Variants in SEMA4C observed in about 807,000 individuals in gnomAD.
SEMA4C encodes the protein semaphorin 4C, also known as semaphorin-4C.
In SEMA4C, 19 loss-of-function variants were observed where a neutral mutation model predicts 89.0. The ratio of observed to expected loss-of-function variants is 0.21; its 90% confidence interval spans 0.15 to 0.31. SEMA4C has a LOEUF of 0.31. Among genes scored for constraint, SEMA4C ranks in the 10% least tolerant of loss-of-function variants. SEMA4C has a pLI of 1.00. For synonymous variants in SEMA4C, 428 were observed against 472.7 expected (o/e 0.91, Z 1.23); for missense variants, 811 against 1,107.0 (o/e 0.73, Z 3.79).
At chr2:96,869,774 CCT>C (rs1326444671) in intron 1 of SEMA4C, 100 bp downstream of exon 1, 3 of 984,978 alleles carry the variant, frequency 3.0e-6, no homozygotes, top group Non-Finnish European at 3.6e-6. Context: ...CGCCCCAGCC[CCT>C]GTCCCTCCCG....
chr2:96,868,596 A>T (rs543187655), intron 1 of SEMA4C: 1 of 985,630 alleles, frequency 1.0e-6, no homozygotes, highest in African/African-American at 1.7e-5. Flanking sequence ...GGGAGGCAGG[A>T]AGTGGGTGGG....
At chr2:96,868,377 C>A in intron 1 of SEMA4C, 2 of 978,402 alleles carry the variant, frequency 2.0e-6, no homozygotes, top group East Asian at 1.1e-4. Context: ...CGAGGGCATG[C>A]GGTGGGGTAG....
chr2:96,870,324 G>A (rs1574160514), upstream of SEMA4C: 2 of 985,440 alleles, frequency 2.0e-6, no homozygotes, highest in East Asian at 1.1e-4. Flanking sequence ...GCGCCTGGAG[G>A]GAGGTGGGGC....
Position 96,865,509 on chromosome 2 carries a change from C to T in SEMA4C, c.449G>A (p.Gly150Glu), listed in dbSNP as rs2080048383. The T allele has an allele frequency of 6.2e-7, 1 of 1,614,062 alleles. No homozygotes were observed. Among genetic ancestry groups the T allele is most frequent in the Non-Finnish European group, 8.5e-7 (1 of 1,180,016 alleles). The stretch of plus-strand genomic sequence containing the variant: ...CTTGCCCTTCCCATCTTCAAACTCT[C>T]CATGCTCCAAAGTGAAGGTGAGCAT... ...VNMLTFTLEH[G>E]EFEDGKGKCP... The change falls in exon 6 of 15, where the codon GGA becomes GAA. Residue 150 changes from glycine to glutamate, a missense_variant. By Grantham distance (98) the Gly-to-Glu change is moderately conservative. Transcript: ENST00000305476.
chr2:96,864,627 T>G lies in SEMA4C; in HGVS notation c.962+78A>C. 2.6e-6 allele frequency: 4 copies of G among 1,512,162 alleles called. No individual in the cohort carries two copies. The highest frequency in any genetic ancestry group is 3.6e-6 in the Non-Finnish European group (4 of 1,121,420). The allele number at this position is 1,512,162 out of a possible 1,614,324, so 93.7% of individuals were successfully genotyped here. On this transcript the variant is annotated intron_variant, in intron 9 of 14. Transcript: ENST00000305476. The surrounding 1 kb of genome is among the most constrained non-coding windows in gnomAD (Gnocchi z 6.3). ...TTCCGGGACTGCCTCTGAGGCCTGG[T>G]CCAGGCTCCCACCCATGCACCGTCC...
Position 96,861,090 on chromosome 2 carries a change from G to GCAGCAC in SEMA4C, c.2032_2037dup (p.Val678_Leu679dup), listed in dbSNP as rs778382477. 1 of 1,612,490 alleles carries GCAGCAC rather than the reference G, an allele frequency of 6.2e-7. No homozygotes were observed. Among genetic ancestry groups the GCAGCAC allele is most frequent in the South Asian group, 1.1e-5 (1 of 91,078 alleles). ...CGGCGCAATGACAGCACCAGCAGCAGCAGCACCAGGCACACAGCCCCCAGG... is the reference window on the plus strand; with the variant it reads ...CGGCGCAATGACAGCACCAGCAGCAGCAGCACCAGCACCAGGCACACAGCCCCCAGG... On this transcript the variant is annotated inframe_insertion, in exon 15 of 15. Transcript: ENST00000305476. The surrounding 1 kb of genome is among the most constrained non-coding windows in gnomAD (Gnocchi z 7.8).
Position 96,864,586 on chromosome 2 carries a change from C to T in SEMA4C, c.962+119G>A, listed in dbSNP as rs910340439. ...GGGCAGGTGCCAGCATTCTCCTTGG[C>T]TTCTGGACACCTGGCTTCCGGGACT... On this transcript the variant is annotated intron_variant, in intron 9 of 14. Transcript: ENST00000305476. This position sits in a 1 kb window ranked among gnomAD's most constrained non-coding sequence, Gnocchi z 6.3. 2.1e-6 allele frequency: 3 copies of T among 1,397,266 alleles called. No individual in the cohort carries two copies. Among genetic ancestry groups the T allele is most frequent in the Non-Finnish European group, 2.9e-6 (3 of 1,026,804 alleles). The allele number at this position is 1,397,266 out of a possible 1,614,324, so 86.6% of individuals were successfully genotyped here.
At position 96,864,803 on chromosome 2, in the gene SEMA4C, C is replaced by T. The variant is rs141614070; in HGVS notation, c.864G>A (p.Pro288=). ...FLKARLACSA[P]NWQLYFNQLQ... is the part of the protein sequence containing the mutation. ...GCTGGTTGAAGTAGAGCTGCCAGTTCGGGGCAGAGCATGCCAGCCGCGCCT... is the reference window on the plus strand; with the variant it reads ...GCTGGTTGAAGTAGAGCTGCCAGTTTGGGGCAGAGCATGCCAGCCGCGCCT... The change falls in exon 9 of 15, where the codon CCG becomes CCA. Residue 288 remains proline (P), a synonymous_variant. Coordinates refer to ENST00000305476, the MANE Select transcript of SEMA4C (RefSeq NM_017789.5). This position sits in a 1 kb window ranked among gnomAD's most constrained non-coding sequence, Gnocchi z 6.3. 136 of 1,613,790 alleles carry T rather than the reference C, an allele frequency of 8.4e-5. No homozygotes were observed. The highest frequency in any genetic ancestry group is 2.2e-4 in the Admixed American group (13 of 60,002).
intron 2 of SEMA4C, 183 bp from the exon 3 acceptor site, chr2:96,866,614 C>A: frequency 2.5e-6 from 2 of 811,084 alleles, no homozygotes; most frequent in Non-Finnish European, 4.1e-6. Context: ...CCTCCCTAGC[C>A]TTTCCCAGCC....
chr2:96,868,975 G>A (rs1208874426), intron 1 of SEMA4C: 1 of 985,360 alleles, frequency 1.0e-6, no homozygotes, highest in Non-Finnish European at 1.2e-6. Flanking sequence ...CCCAAACAAA[G>A]GGTCCCCGCC....
Position 96,869,896 on chromosome 2 carries a change from C to G in SEMA4C, c.-58G>C, listed in dbSNP as rs1017127724. The stretch of plus-strand genomic sequence containing the variant: ...CTCACCTATTGCGCGCAGCTCCAGT[C>G]CCCGGGCGCCGCCCTCGCGTTCGGC... On this transcript the variant is annotated 5_prime_UTR_variant, in exon 1 of 15. Coordinates refer to ENST00000305476, the MANE Select transcript of SEMA4C (RefSeq NM_017789.5). 1.0e-6 allele frequency: 1 copy of G among 985,938 alleles called. No individual in the cohort carries two copies. The highest frequency in any genetic ancestry group is 1.7e-5 in the African/African-American group (1 of 57,222). 61.1% of individuals were successfully genotyped at this position (985,938 alleles called of 1,614,324 possible). A position where few individuals can be genotyped will look rare whatever the true frequency, so the allele number is the denominator to read the frequency against.
intron 12 of SEMA4C, 198 bp from the exon 13 acceptor site, chr2:96,862,092 C>T (rs2079960502): frequency 1.1e-5 from 7 of 616,358 alleles, no homozygotes; most frequent in Non-Finnish European, 1.7e-5. Context: ...ACTCAGAGGG[C>T]TTACACAGGC....
At chr2:96,868,830 G>A in intron 1 of SEMA4C, 1 of 985,342 alleles carries the variant, frequency 1.0e-6, no homozygotes, top group Non-Finnish European at 1.2e-6. Context: ...GCGCTCCCGC[G>A]ACTCTGACGA....
At chr2:96,868,518 G>C (rs1262499002) in intron 1 of SEMA4C, 12 of 986,618 alleles carry the variant, frequency 1.2e-5, no homozygotes, top group Non-Finnish European at 1.3e-5. Context: ...CACATCAGCA[G>C]GGCAGGAGTG....
Position 96,863,447 on chromosome 2 carries a change from C to T in SEMA4C, c.1443+235G>A, listed in dbSNP as rs369447905. The T allele has an allele frequency of 8.5e-6, 11 of 1,300,148 alleles. No homozygotes were observed. The Admixed American group carries it at 1.0e-4, about 12-fold the overall frequency. The allele number at this position is 1,300,148 out of a possible 1,614,324, so 80.5% of individuals were successfully genotyped here. A position where few individuals can be genotyped will look rare whatever the true frequency, so the allele number is the denominator to read the frequency against. On this transcript the variant is annotated intron_variant, in intron 12 of 14. Coordinates refer to ENST00000305476, the MANE Select transcript of SEMA4C (RefSeq NM_017789.5). ...AGTTGCCAAGGCTTGATGCTGGGAG[C>T]GCAGCCCCGTGACCTGGCTATATAT... is the stretch of plus-strand genomic sequence containing the variant.
At chr2:96,866,020 C>G (rs773243676) in intron 3 of SEMA4C, 91 bp from the exon 4 acceptor site, 1 of 1,363,724 alleles carries the variant, frequency 7.3e-7, no homozygotes, top group South Asian at 1.2e-5. Flanking sequence ...ACAGGGACGC[C>G]CAGTGCAGAG....
In SEMA4C at chr2:96,859,977, G is replaced by A. The variant is rs2153360817; in HGVS notation, c.*649C>T. 1 of 148,786 alleles carries A rather than the reference G, an allele frequency of 6.7e-6. No homozygotes were observed. Among genetic ancestry groups the A allele is most frequent in the East Asian group, 2.0e-4 (1 of 4,892 alleles). 9.2% of individuals were successfully genotyped at this position (148,786 alleles called of 1,614,324 possible). On this transcript the variant is annotated 3_prime_UTR_variant, in exon 15 of 15. Coordinates refer to ENST00000305476, the MANE Select transcript of SEMA4C (RefSeq NM_017789.5). ...CACTGAACCCCGGGGCCAAGTGGGA[G>A]GCCCCACCCACCCTTCCCCCCAAAC...
rs747334124 is a variant in SEMA4C at position 96,860,611 on chromosome 2, C to A, written c.*15G>T. 81 of 1,577,620 alleles carry A rather than the reference C, an allele frequency of 5.1e-5. No homozygotes were observed. The highest frequency in any genetic ancestry group is 2.6e-6 in the Non-Finnish European group (3 of 1,160,142). Reference sequence around the variant, plus strand: ...ACACCTCCCACGCTTCCCGCCGACGCGGTGGGGGTTCCCCTCATACTGATG... The same window carrying A: ...ACACCTCCCACGCTTCCCGCCGACGAGGTGGGGGTTCCCCTCATACTGATG... On this transcript the variant is annotated 3_prime_UTR_variant, in exon 15 of 15. Coordinates refer to ENST00000305476, the MANE Select transcript of SEMA4C (RefSeq NM_017789.5).
chr2:96,868,211 C>A (rs1291454950), intron 1 of SEMA4C, among the ~76,000 whole-genome samples: 3 of 152,340 alleles, frequency 2.0e-5, no homozygotes, highest in African/African-American at 7.2e-5. Context: ...AACAGGAAAT[C>A]ATTTGAGAAA....
Sources: allele counts gnomAD v4.1 joint callset (sites outside exome capture counted in the v4.1 genomes callset), GRCh38; gene constraint gnomAD v4.1.1; non-coding constraint Gnocchi (gnomAD v3.1); transcripts MANE v1.5; gene names NCBI Gene and HGNC (gene_info 2026-07-23, HGNC 2026-07-21).